Variants in CADM1 observed in about 807,000 individuals in gnomAD.
CADM1 encodes TSLC-1.
In CADM1, 15 loss-of-function variants were observed where a neutral mutation model predicts 53.1. The observed-to-expected ratio is 0.28, with a 90% CI of 0.19 to 0.44. The LOEUF is 0.44. Ranked by LOEUF, CADM1 falls within the 20% of genes least tolerant of loss-of-function variation. The probability of loss-of-function intolerance (pLI) is 1.00; values close to 1 mark genes in which losing one functional copy is unlikely to be tolerated. For missense variants in CADM1, 434 were observed against 611.3 expected (o/e 0.71, Z 3.06); for synonymous variants, 281 against 243.0 (o/e 1.16, Z -1.45).
intron 1 of CADM1, among the ~76,000 whole-genome samples, chr11:115,485,104 C>T (rs1452890333): frequency 1.3e-5 from 2 of 152,190 alleles, no homozygotes; most frequent in East Asian, 1.9e-4. Flanking sequence ...CACTCACCTT[C>T]GATGATTCTT....
At chr11:115,364,061 A>G (rs1254134807) in intron 1 of CADM1, among the ~76,000 whole-genome samples, 1 of 152,108 alleles carries the variant, frequency 6.6e-6, no homozygotes, top group Non-Finnish European at 1.5e-5. Flanking sequence ...AAAAAAAAAA[A>G]TCTACATTTT....
At chr11:115,425,606 C>CA (rs1377341131) in intron 1 of CADM1, among the ~76,000 whole-genome samples, 1 of 152,224 alleles carries the variant, frequency 6.6e-6, no homozygotes, top group Non-Finnish European at 1.5e-5. Context: ...ATCACTCAAA[C>CA]AGTTTAAGCT....
chr11:115,483,306 A>T (rs1784756109), intron 1 of CADM1, among the ~76,000 whole-genome samples: 1 of 152,240 alleles, frequency 6.6e-6, no homozygotes, highest in Non-Finnish European at 1.5e-5. Context: ...AACTATTTAA[A>T]ATGAATAATG....
chr11:115,242,364 T>G (rs112235233), intron 1 of CADM1, among the ~76,000 whole-genome samples: 15 of 145,296 alleles, frequency 1.0e-4, no homozygotes, highest in Admixed American at 6.9e-4. Context: ...AATGAACAGA[T>G]GCTTATTTTT....
At chr11:115,422,175 A>G (rs780076055) in intron 1 of CADM1, among the ~76,000 whole-genome samples, 1 of 152,162 alleles carries the variant, frequency 6.6e-6, no homozygotes, top group Non-Finnish European at 1.5e-5. Flanking sequence ...CTGGGTTACA[A>G]ATTACAGGTG....
At chr11:115,498,626 A>G (rs1949671078) in intron 1 of CADM1, among the ~76,000 whole-genome samples, 1 of 152,338 alleles carries the variant, frequency 6.6e-6, no homozygotes, top group East Asian at 1.9e-4. Flanking sequence ...AAACCAAACC[A>G]TAGGAGAAGG....
intron 1 of CADM1, among the ~76,000 whole-genome samples, chr11:115,281,527 T>C (rs1015703993): frequency 6.6e-6 from 1 of 152,224 alleles, no homozygotes; most frequent in African/African-American, 2.4e-5. Flanking sequence ...ATTTCAAAGT[T>C]GTTGAGCTTT....
At chr11:115,263,130 T>C (rs1943026673) in intron 1 of CADM1, among the ~76,000 whole-genome samples, 1 of 152,248 alleles carries the variant, frequency 6.6e-6, no homozygotes, top group Non-Finnish European at 1.5e-5. Context: ...TATCATGAGG[T>C]ACATGACGTC....
chr11:115,266,995 G>T (rs1943159583), intron 1 of CADM1, among the ~76,000 whole-genome samples: 1 of 152,190 alleles, frequency 6.6e-6, no homozygotes, highest in South Asian at 2.1e-4. Context: ...TAAGCTTCTT[G>T]CCTGTTGCAC....
intron 1 of CADM1, among the ~76,000 whole-genome samples, chr11:115,501,072 G>GT (rs1446641106): frequency 6.6e-6 from 1 of 151,646 alleles, no homozygotes; most frequent in Non-Finnish European, 1.5e-5. Context: ...CCCCTTTTTC[G>GT]TATTTGTTCA....
Position 115,169,622 on chromosome 11 carries a change from C to T in CADM1, c.*6852G>A. On this transcript the variant is annotated 3_prime_UTR_variant, in exon 12 of 12. Coordinates refer to ENST00000331581, the MANE Select transcript of CADM1 (RefSeq NM_001301043.2). ...TTCTGGGAGAGGAGGTTAGAGAAAA[C>T]AGGCCTAGAGAGAGGGAGAGAAAGA... is the stretch of plus-strand genomic sequence containing the variant. The T allele has an allele frequency of 2.2e-6, 1 of 456,552 alleles. No homozygotes were observed. Among genetic ancestry groups the T allele is most frequent in the South Asian group, 1.5e-5 (1 of 64,562 alleles). The allele number at this position is 456,552 out of a possible 1,614,324, so 28.3% of individuals were successfully genotyped here.
At chr11:115,347,238 G>A (rs1278370366) in intron 1 of CADM1, among the ~76,000 whole-genome samples, 1 of 142,138 alleles carries the variant, frequency 7.0e-6, no homozygotes, top group East Asian at 2.4e-4. Flanking sequence ...TCATCATGTT[G>A]TGGGGTACTA....
At chr11:115,486,925 C>A (rs1031875861) in intron 1 of CADM1, among the ~76,000 whole-genome samples, 1 of 152,094 alleles carries the variant, frequency 6.6e-6, no homozygotes, top group South Asian at 2.1e-4. Flanking sequence ...TAGAGGTGCC[C>A]GTGATCTGAA....
chr11:115,415,679 TACA>T (rs772003057), intron 1 of CADM1, among the ~76,000 whole-genome samples: 4 of 151,690 alleles, frequency 2.6e-5, no homozygotes, highest in Non-Finnish European at 4.4e-5. Flanking sequence ...CTATTAAAAA[TACA>T]ACATTTAGCC....
intron 1 of CADM1, among the ~76,000 whole-genome samples, chr11:115,407,014 TAA>T (rs1947333028): frequency 6.6e-6 from 1 of 151,480 alleles, no homozygotes; most frequent in Admixed American, 6.6e-5. Context: ...TGAAGCATGG[TAA>T]AATGTAATCA....
In CADM1 at chr11:115,231,342, C is replaced by G; in HGVS notation, c.562+11G>C. 3 of 1,614,148 alleles carry G rather than the reference C, an allele frequency of 1.9e-6. No individual in the cohort carries two copies. The East Asian group carries it at 6.7e-5, about 36-fold the overall frequency. ...GCTAACTACTTCAGTGTGTGGCAATCTGCAGCTTACCTTTTAGCTCTGTGT... is the reference window on the plus strand; with the variant it reads ...GCTAACTACTTCAGTGTGTGGCAATGTGCAGCTTACCTTTTAGCTCTGTGT... On this transcript the variant is annotated intron_variant, in intron 4 of 11. Transcript: ENST00000331581.
intron 1 of CADM1, among the ~76,000 whole-genome samples, chr11:115,430,489 C>G (rs1416171130): frequency 6.6e-6 from 1 of 152,160 alleles, no homozygotes; most frequent in South Asian, 2.1e-4. Flanking sequence ...AACATCAAAG[C>G]AAAAGAGTCC....
chr11:115,294,016 T>A (rs781170480), intron 1 of CADM1, among the ~76,000 whole-genome samples: 1 of 152,188 alleles, frequency 6.6e-6, no homozygotes, highest in Non-Finnish European at 1.5e-5. Flanking sequence ...GAATCAGATA[T>A]TGAGATTCAT....
intron 1 of CADM1, among the ~76,000 whole-genome samples, chr11:115,501,885 C>T (rs935556644): frequency 6.6e-6 from 1 of 152,096 alleles, no homozygotes; most frequent in African/African-American, 2.4e-5. Flanking sequence ...GCCAAGACCT[C>T]CTCTCAAACT....
Sources: allele counts gnomAD v4.1 joint callset (sites outside exome capture counted in the v4.1 genomes callset), GRCh38; gene constraint gnomAD v4.1.1; transcripts MANE v1.5; gene names NCBI Gene and HGNC (gene_info 2026-07-23, HGNC 2026-07-21).